Variants in NGF observed in about 807,000 individuals in gnomAD.
NGF encodes beta-nerve growth factor.
A neutral mutation model predicts 12.8 loss-of-function variants in NGF; 4 were observed. The ratio of observed to expected loss-of-function variants is 0.31; its 90% CI spans 0.15 to 0.72. The LOEUF (loss-of-function observed/expected upper bound fraction) is 0.72. NGF is among the 30% of genes least tolerant of loss of function. The probability of loss-of-function intolerance (pLI) is 0.69; values close to 1 mark genes in which losing one functional copy is unlikely to be tolerated. For synonymous variants in NGF, 140 were observed against 130.0 expected (o/e 1.08, Z -0.52); for missense variants, 283 against 330.8 (o/e 0.86, Z 1.12).
intron 1 of NGF, among the ~76,000 whole-genome samples, chr1:115,307,307 G>A (rs1654227865): frequency 6.6e-6 from 1 of 152,138 alleles, no homozygotes; most frequent in African/African-American, 2.4e-5. Flanking sequence ...ATGAGAAGTG[G>A]GGGAAGCAGG....
intron 1 of NGF, among the ~76,000 whole-genome samples, chr1:115,321,100 T>A (rs1463871800): frequency 3.3e-5 from 5 of 152,226 alleles, no homozygotes; most frequent in Admixed American, 2.0e-4. Flanking sequence ...CCCACTAAGA[T>A]GCAGTATGGA....
intron 1 of NGF, among the ~76,000 whole-genome samples, chr1:115,329,755 T>A: frequency 6.8e-6 from 1 of 146,650 alleles, no homozygotes; most frequent in South Asian, 2.2e-4. Flanking sequence ...TTTTTTTTTT[T>A]TTTTTTTTTT....
chr1:115,290,715 C>T (rs1653669595), intron 2 of NGF, among the ~76,000 whole-genome samples: 1 of 152,116 alleles, frequency 6.6e-6, no homozygotes, highest in African/African-American at 2.4e-5. Flanking sequence ...TTAAAGCCTT[C>T]CCTTTATATT....
intron 1 of NGF, among the ~76,000 whole-genome samples, chr1:115,320,596 G>A (rs1654594848): frequency 6.6e-6 from 1 of 152,190 alleles, no homozygotes; most frequent in Non-Finnish European, 1.5e-5. Context: ...GGCAGAAAAA[G>A]TGGGATGGCG....
chr1:115,328,246 G>C (rs764933099), intron 1 of NGF, among the ~76,000 whole-genome samples: 19 of 152,282 alleles, frequency 1.2e-4, no homozygotes, highest in Non-Finnish European at 2.5e-4. Context: ...AGAACTAAGA[G>C]GTAGGCAGTT....
intron 1 of NGF, among the ~76,000 whole-genome samples, chr1:115,302,767 C>T (rs907200528): frequency 1.3e-5 from 2 of 152,200 alleles, no homozygotes; most frequent in Non-Finnish European, 1.5e-5. Context: ...CCCTCTGTGC[C>T]GCAGCCACCA....
At chr1:115,331,115 C>T (rs1237889395) in intron 1 of NGF, among the ~76,000 whole-genome samples, 1 of 151,832 alleles carries the variant, frequency 6.6e-6, no homozygotes, top group African/African-American at 2.4e-5. Flanking sequence ...CGGGAAGGGG[C>T]CTCAGCTTAC....
At chr1:115,323,465 CA>C (rs1400611070) in intron 1 of NGF, among the ~76,000 whole-genome samples, 1 of 152,168 alleles carries the variant, frequency 6.6e-6, no homozygotes. Flanking sequence ...ATGGTCAGCA[CA>C]GGCTGTTTTA....
intron 1 of NGF, among the ~76,000 whole-genome samples, chr1:115,337,025 G>A (rs891649456): frequency 3.3e-4 from 50 of 152,124 alleles, no homozygotes; most frequent in African/African-American, 1.2e-3. Flanking sequence ...TTCCAGCTGG[G>A]AACGTGCACT....
intron 1 of NGF, among the ~76,000 whole-genome samples, chr1:115,335,198 C>T (rs534777948): frequency 3.3e-5 from 5 of 152,300 alleles, no homozygotes; most frequent in Non-Finnish European, 4.4e-5. Context: ...CAAATAGTGA[C>T]GTTTCTATGC....
intron 1 of NGF, among the ~76,000 whole-genome samples, chr1:115,319,583 T>C (rs1654561449): frequency 1.3e-5 from 2 of 152,322 alleles, no homozygotes; most frequent in Middle Eastern, 6.8e-3. Context: ...AGAAGTGGAA[T>C]GGTAGTGCGG....
At chr1:115,321,628 GTC>G (rs1553237958) in intron 1 of NGF, among the ~76,000 whole-genome samples, 2 of 132,074 alleles carry the variant, frequency 1.5e-5, no homozygotes, top group African/African-American at 5.7e-5. Flanking sequence ...GTGTGTGTGT[GTC>G]ATAGCCAAGG....
At chr1:115,336,120 T>C (rs1298793718) in intron 1 of NGF, among the ~76,000 whole-genome samples, 1 of 152,058 alleles carries the variant, frequency 6.6e-6, no homozygotes, top group Non-Finnish European at 1.5e-5. Context: ...GGGTGGGCAA[T>C]AGGAGAAGGC....
chr1:115,296,797 G>C (rs1653884735), intron 1 of NGF, among the ~76,000 whole-genome samples: 2 of 152,176 alleles, frequency 1.3e-5, no homozygotes, highest in Admixed American at 6.5e-5. Flanking sequence ...GAAGGTTGAG[G>C]CTCTAAAATT....
chr1:115,302,088 G>C (rs1291681775), intron 1 of NGF, among the ~76,000 whole-genome samples: 1 of 152,186 alleles, frequency 6.6e-6, no homozygotes, highest in African/African-American at 2.4e-5. Context: ...TTTATTGAAA[G>C]GAATTGAAGA....
chr1:115,314,570 T>C (rs2101043050), intron 1 of NGF, among the ~76,000 whole-genome samples: 1 of 152,242 alleles, frequency 6.6e-6, no homozygotes, highest in East Asian at 1.9e-4. Flanking sequence ...ACCTGTTCTG[T>C]GCAGGTGCAC....
chr1:115,337,267 G>GTTTGTTTGTTTTTTTTT lies in NGF; in HGVS notation c.-137+936_-137+937insAAAAAAAAACAAACAAA. On this transcript the variant is annotated intron_variant, in intron 1 of 2. Coordinates refer to ENST00000369512, the MANE Select transcript of NGF (RefSeq NM_002506.3). The stretch of plus-strand genomic sequence containing the variant: ...TCGAAATTTTTTTTGTTTTGTTTTT[G>GTTTGTTTGTTTTTTTTT]TTTTTTTTTTTTTTTTTTTTTTTTT... 3.5e-4 allele frequency among the ~76,000 whole-genome samples: 28 copies of GTTTGTTTGTTTTTTTTT among 81,030 alleles called. 2 individuals carry two copies. The highest frequency in any genetic ancestry group is 1.2e-3 in the African/African-American group (22 of 18,894). 53.2% of individuals were successfully genotyped at this position (81,030 alleles called of 152,430 possible). A position where few individuals can be genotyped will look rare whatever the true frequency, so the allele number is the denominator to read the frequency against.
chr1:115,305,010 C>T (rs1016906931), intron 1 of NGF, among the ~76,000 whole-genome samples: 21 of 152,204 alleles, frequency 1.4e-4, no homozygotes, highest in African/African-American at 4.6e-4. Context: ...GAGTCCTCTT[C>T]GGCCTCCACC....
At position 115,286,045 on chromosome 1, in the gene NGF, C is replaced by A. The variant is rs1571069139; in HGVS notation, c.*25G>T. On this transcript the variant is annotated 3_prime_UTR_variant, in exon 3 of 3. Transcript: ENST00000369512. Reference sequence around the variant, plus strand: ...GGGGCCCAGGAGAGTGTAGAAGGGGCAGGGGGAGGGAGCGTGTCGGCAGGT... The same window carrying A: ...GGGGCCCAGGAGAGTGTAGAAGGGGAAGGGGGAGGGAGCGTGTCGGCAGGT... The A allele has an allele frequency of 6.2e-7, 1 of 1,611,430 alleles. No homozygotes were observed. Among genetic ancestry groups the A allele is most frequent in the Non-Finnish European group, 8.5e-7 (1 of 1,179,130 alleles).
Sources: allele counts gnomAD v4.1 joint callset (sites outside exome capture counted in the v4.1 genomes callset), GRCh38; gene constraint gnomAD v4.1.1; transcripts MANE v1.5; gene names NCBI Gene and HGNC (gene_info 2026-07-23, HGNC 2026-07-21).